The following TRUB1 variants were observed in gnomAD, a reference collection of about 807,000 sequenced individuals.
The protein encoded by TRUB1 is pseudouridylate synthase TRUB1.
TRUB1 carries 23 observed loss-of-function variants against 33.9 expected under a neutral mutation model. The observed-to-expected ratio is 0.68, with a 90% CI of 0.49 to 0.96. The LOEUF (loss-of-function observed/expected upper bound fraction) is 0.96, where lower values mean the gene tolerates loss of function less well. Among genes scored for constraint, TRUB1 ranks in the 40% least tolerant of loss-of-function variants. TRUB1 has a pLI of 0.00. For synonymous variants in TRUB1, 163 were observed against 165.4 expected (o/e 0.99, Z 0.11); for missense variants, 378 against 422.2 (o/e 0.90, Z 0.92).
Position 114,938,309 on chromosome 10 carries a change from C to A in TRUB1, c.56C>A (p.Ser19Tyr), listed in dbSNP as rs768178093. Residue 19 changes from serine (S) to tyrosine (Y), a missense_variant, in exon 1 of 8, where the codon TCC becomes TAC. Transcript: ENST00000298746. ...TCGCCGTCTTTGAAAACAGACACAT[C>A]CCCTGTCCTTGAAACTGCAGGAACG... is the stretch of plus-strand genomic sequence containing the variant. ...VSSPSLKTDTSPVLETAGTVA... is the reference protein window; with the variant it reads ...VSSPSLKTDTYPVLETAGTVA... 5 of 1,614,094 alleles carry A rather than the reference C, an allele frequency of 3.1e-6. No homozygotes were observed. The highest frequency in any genetic ancestry group is 4.2e-6 in the Non-Finnish European group (5 of 1,180,042).
chr10:114,972,018 C>T (rs1436823842), intron 5 of TRUB1, 117 bp from the exon 6 acceptor site: 7 of 1,149,192 alleles, frequency 6.1e-6, no homozygotes, highest in Non-Finnish European at 8.7e-6. Context: ...TTGTGAAGCA[C>T]TGCCAGTCAT....
intron 3 of TRUB1, among the ~76,000 whole-genome samples, chr10:114,953,481 T>C (rs1467958389): frequency 6.6e-6 from 1 of 152,148 alleles, no homozygotes; most frequent in Non-Finnish European, 1.5e-5. Context: ...ATATTTTTTC[T>C]TTTTTTAAAA....
chr10:114,975,549 T>C lies in TRUB1; in HGVS notation c.*170T>C, dbSNP rs2084356914. ...AGCACATAATTTATTTTCTATGCAT[T>C]ATAAATGGCCTTGCAGTTGGCTCAG... On this transcript the variant is annotated 3_prime_UTR_variant, in exon 8 of 8. Coordinates refer to ENST00000298746, the MANE Select transcript of TRUB1 (RefSeq NM_139169.5). The C allele has an allele frequency of 1.7e-6, 1 of 605,030 alleles. No homozygotes were observed. The highest frequency in any genetic ancestry group is 2.6e-6 in the Non-Finnish European group (1 of 377,884). 37.5% of individuals were successfully genotyped at this position (605,030 alleles called of 1,614,324 possible). A position where few individuals can be genotyped will look rare whatever the true frequency, so the allele number is the denominator to read the frequency against.
intron 3 of TRUB1, among the ~76,000 whole-genome samples, chr10:114,958,396 G>A (rs1175691093): frequency 6.6e-6 from 1 of 152,114 alleles, no homozygotes; most frequent in Non-Finnish European, 1.5e-5. Flanking sequence ...AAAAATCTGA[G>A]CTAGATAATA....
At chr10:114,972,084 C>T in intron 5 of TRUB1, 51 bp from the exon 6 acceptor site, 2 of 1,600,414 alleles carry the variant, frequency 1.2e-6, no homozygotes, top group Non-Finnish European at 1.7e-6. Flanking sequence ...CCAAATCCCT[C>T]TCAATTCTTG....
At chr10:114,959,150 CAAAA>C (rs1199778169) in intron 3 of TRUB1, among the ~76,000 whole-genome samples, 1 of 152,040 alleles carries the variant, frequency 6.6e-6, no homozygotes, top group Non-Finnish European at 1.5e-5. Flanking sequence ...AACAAACAAA[CAAAA>C]AACACATTTA....
At chr10:114,973,283 A>G (rs1454793750) in intron 6 of TRUB1, among the ~76,000 whole-genome samples, 1 of 152,218 alleles carries the variant, frequency 6.6e-6, no homozygotes, top group African/African-American at 2.4e-5. Context: ...GATATTCTCT[A>G]TGAAAGCAAG....
At position 114,970,364 on chromosome 10, in the gene TRUB1, G is replaced by A. The variant is rs746492367; in HGVS notation, c.524-4G>A. 5.0e-6 allele frequency: 8 copies of A among 1,600,130 alleles called. No homozygotes were observed. Among genetic ancestry groups the A allele is most frequent in the Non-Finnish European group, 3.4e-6 (4 of 1,169,998 alleles). On this transcript the variant is annotated splice_region_variant and splice_polypyrimidine_tract_variant and intron_variant, in intron 4 of 7. Coordinates refer to ENST00000298746, the MANE Select transcript of TRUB1 (RefSeq NM_139169.5). Reference sequence around the variant, plus strand: ...TTAGTGTCTTTTTTGTTGATTTTTGGCAGATAAAATAACACAAGAAGATAT... The same window carrying A: ...TTAGTGTCTTTTTTGTTGATTTTTGACAGATAAAATAACACAAGAAGATAT...
intron 4 of TRUB1, among the ~76,000 whole-genome samples, chr10:114,960,755 A>G (rs1325049993): frequency 2.6e-5 from 4 of 152,152 alleles, no homozygotes. Flanking sequence ...TTATTAATAA[A>G]TAATAGCAGA....
intron 2 of TRUB1, among the ~76,000 whole-genome samples, chr10:114,950,283 G>T (rs1473150111): frequency 1.3e-5 from 2 of 152,164 alleles, no homozygotes; most frequent in Non-Finnish European, 2.9e-5. Flanking sequence ...TCACTGAATG[G>T]TATTTGCTGT....
chr10:114,939,597 T>A (rs1180109621), intron 1 of TRUB1, among the ~76,000 whole-genome samples: 1 of 152,218 alleles, frequency 6.6e-6, no homozygotes, highest in Non-Finnish European at 1.5e-5. Context: ...CAGATTTAAG[T>A]GTTTATGGGC....
At chr10:114,952,710 G>A (rs1278359743) in intron 3 of TRUB1, among the ~76,000 whole-genome samples, 1 of 152,066 alleles carries the variant, frequency 6.6e-6, no homozygotes, top group Non-Finnish European at 1.5e-5. Flanking sequence ...TCAAAATATT[G>A]GTGTTGAAAA....
intron 2 of TRUB1, among the ~76,000 whole-genome samples, chr10:114,946,606 T>C (rs1018170370): frequency 6.6e-6 from 1 of 152,112 alleles, no homozygotes; most frequent in African/African-American, 2.4e-5. Context: ...CCTCCCAAAG[T>C]GCTGGGATTA....
chr10:114,958,993 G>A (rs1422795175), intron 3 of TRUB1, among the ~76,000 whole-genome samples: 2 of 152,178 alleles, frequency 1.3e-5, no homozygotes, highest in South Asian at 2.1e-4. Flanking sequence ...AAAATTAGCC[G>A]GGCGTGGTGG....
intron 4 of TRUB1, among the ~76,000 whole-genome samples, chr10:114,961,615 A>G (rs781493263): frequency 2.0e-5 from 3 of 152,246 alleles, no homozygotes; most frequent in Non-Finnish European, 4.4e-5. Context: ...GCAGTAAATC[A>G]TAGAGAAACT....
In TRUB1 at chr10:114,940,899, C is replaced by A. The variant is rs1045202262; in HGVS notation, c.287-1746C>A. ...TTTATGTCAAAGCAGACAACCATAC[C>A]CTTCTAAGTATGGTGATGTCATAAT... On this transcript the variant is annotated intron_variant, in intron 1 of 7. Transcript: ENST00000298746. 2.0e-5 allele frequency among the ~76,000 whole-genome samples: 3 copies of A among 152,214 alleles called. No homozygotes were observed. The South Asian group carries it at 6.2e-4, about 32-fold the overall frequency.
intron 4 of TRUB1, among the ~76,000 whole-genome samples, chr10:114,970,099 A>G (rs1254602050): frequency 6.6e-6 from 1 of 152,184 alleles, no homozygotes; most frequent in African/African-American, 2.4e-5. Flanking sequence ...AACTGAATAT[A>G]TATATAAGAT....
chr10:114,956,641 G>T (rs555906012), intron 3 of TRUB1, among the ~76,000 whole-genome samples: 2 of 152,146 alleles, frequency 1.3e-5, no homozygotes, highest in African/African-American at 2.4e-5. Flanking sequence ...CTCTTTCAGG[G>T]TGTCTGTTGA....
intron 3 of TRUB1, among the ~76,000 whole-genome samples, chr10:114,954,672 A>T (rs945453972): frequency 6.7e-6 from 1 of 150,244 alleles, no homozygotes; most frequent in Non-Finnish European, 1.5e-5. Context: ...GTGCCTGATC[A>T]TTTAGGATTA....
Sources: allele counts gnomAD v4.1 joint callset (sites outside exome capture counted in the v4.1 genomes callset), GRCh38; gene constraint gnomAD v4.1.1; transcripts MANE v1.5; gene names NCBI Gene and HGNC (gene_info 2026-07-23, HGNC 2026-07-21).